The following KATNIP variants were observed in gnomAD, a reference collection of about 807,000 sequenced individuals.
KATNIP encodes katanin interacting protein.
KATNIP carries 126 observed loss-of-function variants against 174.0 expected under a neutral mutation model. That is an observed-to-expected ratio of 0.72 (90% CI 0.63 to 0.84). The LOEUF is 0.84. Among genes scored for constraint, KATNIP ranks in the 40% least tolerant of loss-of-function variants. The probability of loss-of-function intolerance (pLI) is 0.00; values close to 1 mark genes in which losing one functional copy is unlikely to be tolerated. For missense variants in KATNIP, 1,958 were observed against 2,109.7 expected, an observed-to-expected ratio of 0.93 and a Z score of 1.41; for synonymous variants, 810 against 835.7, an observed-to-expected ratio of 0.97 and a Z score of 0.53.
Position 27,777,504 on chromosome 16 carries a change from G to A in KATNIP, c.4552-106G>A, listed in dbSNP as rs139800970. Reference sequence around the variant, plus strand: ...GTAGGCGCTTGTTCCTGACAGCCCCGTCTTCCCGAGGAGAAAGCCTTGGCT... The same window carrying A: ...GTAGGCGCTTGTTCCTGACAGCCCCATCTTCCCGAGGAGAAAGCCTTGGCT... On this transcript the variant is annotated intron_variant, in intron 25 of 27. Transcript: ENST00000261588. This position sits in a 1 kb window ranked among gnomAD's most constrained non-coding sequence, Gnocchi z 4.4. The A allele has an allele frequency of 5.4e-5, 59 of 1,100,764 alleles. No individual in the cohort carries two copies. The African/African-American group carries it at 6.9e-4, about 13-fold the overall frequency. The allele number at this position is 1,100,764 out of a possible 1,614,324, so 68.2% of individuals were successfully genotyped here. A position where few individuals can be genotyped will look rare whatever the true frequency, so the allele number is the denominator to read the frequency against.
chr16:27,762,084 C>T (rs1211867055), intron 19 of KATNIP, among the ~76,000 whole-genome samples: 1 of 152,096 alleles, frequency 6.6e-6, no homozygotes, highest in Non-Finnish European at 1.5e-5. Context: ...GCCAAGGTTG[C>T]GTCAAGTCAG....
Position 27,648,746 on chromosome 16 carries a change from C to T in KATNIP, c.540+11C>T, listed in dbSNP as rs1597055298. Reference sequence around the variant, plus strand: ...GAGGATCGTCCGCAGGTAGGGATGGCCTTGGCCTTGTGCTCGGGACACCTG... The same window carrying T: ...GAGGATCGTCCGCAGGTAGGGATGGTCTTGGCCTTGTGCTCGGGACACCTG... On this transcript the variant is annotated intron_variant, in intron 6 of 27. Coordinates refer to ENST00000261588, the MANE Select transcript of KATNIP (RefSeq NM_015202.5). 6.2e-7 allele frequency: 1 copy of T among 1,611,382 alleles called. No individual in the cohort carries two copies. Among genetic ancestry groups the T allele is most frequent in the African/African-American group, 1.3e-5 (1 of 74,870 alleles).
chr16:27,618,549 A>G, intron 3 of KATNIP, 48 bp downstream of exon 3: 3 of 1,356,440 alleles, frequency 2.2e-6, no homozygotes, highest in Non-Finnish European at 3.2e-6. Flanking sequence ...CGAAGTAAAA[A>G]TCTATTTAGA....
intron 2 of KATNIP, among the ~76,000 whole-genome samples, chr16:27,596,328 A>C (rs915168392): frequency 6.6e-6 from 1 of 152,090 alleles, no homozygotes; most frequent in Non-Finnish European, 1.5e-5. Flanking sequence ...GAAAAAAAAC[A>C]AGACCTCTAA....
At chr16:27,561,710 G>A (rs1342864079) in intron 1 of KATNIP, among the ~76,000 whole-genome samples, 1 of 152,244 alleles carries the variant, frequency 6.6e-6, no homozygotes, top group East Asian at 1.9e-4. Flanking sequence ...GTGTATGTGT[G>A]TGTGTGTTTT....
chr16:27,676,235 A>G (rs58980253), intron 6 of KATNIP, among the ~76,000 whole-genome samples: 1 of 152,342 alleles, frequency 6.6e-6, no homozygotes, highest in African/African-American at 2.4e-5. Context: ...TGTCTTACAT[A>G]TTCTGCTTTC....
intron 22 of KATNIP, 28 bp downstream of exon 22, chr16:27,771,680 A>G: frequency 6.2e-7 from 1 of 1,610,558 alleles, no homozygotes; most frequent in Non-Finnish European, 8.5e-7. Context: ...CCCCACCAGC[A>G]CATTCTGGGC....
At chr16:27,743,535 G>A (rs1349863486) in intron 15 of KATNIP, among the ~76,000 whole-genome samples, 1 of 152,130 alleles carries the variant, frequency 6.6e-6, no homozygotes, top group Non-Finnish European at 1.5e-5. Flanking sequence ...AAAGAGTTGA[G>A]GAGCTCTCTG....
chr16:27,711,483 A>G (rs2079570363), intron 13 of KATNIP, among the ~76,000 whole-genome samples: 1 of 152,192 alleles, frequency 6.6e-6, no homozygotes, highest in African/African-American at 2.4e-5. Flanking sequence ...CTTAGTTCAT[A>G]CAGCAACCAT....
At chr16:27,620,567 C>T (rs928447385) in intron 3 of KATNIP, among the ~76,000 whole-genome samples, 7 of 152,274 alleles carry the variant, frequency 4.6e-5, no homozygotes, top group Admixed American at 2.6e-4. Context: ...AAAAACCTGC[C>T]GGATTGCCAG....
At position 27,779,962 on chromosome 16, in the gene KATNIP, A is replaced by G. The variant is rs2082632015; in HGVS notation, c.*1333A>G. 6.6e-6 allele frequency: 1 copy of G among 152,156 alleles called. No individual in the cohort carries two copies. Among genetic ancestry groups the G allele is most frequent in the Non-Finnish European group, 1.5e-5 (1 of 68,030 alleles). 9.4% of individuals were successfully genotyped at this position (152,156 alleles called of 1,614,324 possible). A position where few individuals can be genotyped will look rare whatever the true frequency, so the allele number is the denominator to read the frequency against. On this transcript the variant is annotated 3_prime_UTR_variant, in exon 28 of 28. Transcript: ENST00000261588. ...TGCAAACGCGCTTTTCATTTGGAGCACGGGGCTGATGTGAAGATAAGAATT... is the reference window on the plus strand; with the variant it reads ...TGCAAACGCGCTTTTCATTTGGAGCGCGGGGCTGATGTGAAGATAAGAATT...
rs542911923 is a variant in KATNIP, at chr16:27,625,930, G to A, written c.141-2731G>A. Among the ~76,000 whole-genome samples the A allele has an allele frequency of 3.2e-3, 484 of 151,164 alleles. 2 individuals are homozygous for A. Among genetic ancestry groups the A allele is most frequent in the Non-Finnish European group, 4.7e-3 (316 of 67,836 alleles). On this transcript the variant is annotated intron_variant, in intron 3 of 27. Transcript: ENST00000261588. ...AGTGGCATGATCATGTCTCACTACA[G>A]CCTCAACCTCCCCAGTTCAAGCCAT...
chr16:27,628,772 G>A lies in KATNIP; in HGVS notation c.252G>A (p.Pro84=), dbSNP rs140289087. The change falls in exon 4 of 28, where the codon CCG becomes CCA. Residue 84 remains proline, a synonymous_variant. Coordinates refer to ENST00000261588, the MANE Select transcript of KATNIP (RefSeq NM_015202.5). ...NGANSELKSS[P]RKAIHSDFSR... The stretch of plus-strand genomic sequence containing the variant: ...CCAATTCGGAGCTGAAATCATCACC[G>A]CGGAAAGCTATTCACTCTGACTTCT... 6.8e-5 allele frequency: 109 copies of A among 1,614,158 alleles called. No homozygotes were observed. In the African/African-American group the frequency reaches 8.9e-4, roughly 13 times the overall value.
At chr16:27,751,019 C>T (rs1375938119) in intron 16 of KATNIP, among the ~76,000 whole-genome samples, 1 of 152,090 alleles carries the variant, frequency 6.6e-6, no homozygotes, top group South Asian at 2.1e-4. Context: ...TGAGCCCCTG[C>T]ACCCAGCCAC....
At chr16:27,697,719 G>A (rs2142972769) in intron 8 of KATNIP, among the ~76,000 whole-genome samples, 1 of 152,172 alleles carries the variant, frequency 6.6e-6, no homozygotes, top group East Asian at 1.9e-4. Context: ...GATCGATAGA[G>A]GGTGTGTGTG....
rs1364593915 is a variant in KATNIP, at chr16:27,628,791, G to A, written c.271G>A (p.Asp91Asn). Residue 91 changes from aspartate to asparagine, a missense_variant, in exon 4 of 28, where the codon GAC becomes AAC. By Grantham distance (23) the Asp-to-Asn change is conservative (BLOSUM62 1). Around this residue, in one of 3 missense-constraint regions of KATNIP, gnomAD observed 1,557 missense variants for 1,617.8 expected, o/e 0.96. Transcript: ENST00000261588. ...KSSPRKAIHS[D>N]FSRSASHTEG... ...ATCACCGCGGAAAGCTATTCACTCT[G>A]ACTTCTCCAGAAGTGCCTCCCACAC... The A allele has an allele frequency of 6.2e-7, 1 of 1,614,068 alleles. No homozygotes were observed. Among genetic ancestry groups the A allele is most frequent in the Non-Finnish European group, 8.5e-7 (1 of 1,180,032 alleles).
chr16:27,595,240 A>G (rs2075300470), intron 2 of KATNIP, among the ~76,000 whole-genome samples: 1 of 152,170 alleles, frequency 6.6e-6, no homozygotes, highest in African/African-American at 2.4e-5. Context: ...AGAAAAAGTT[A>G]GCTGGATGTA....
In KATNIP at chr16:27,640,725, T is replaced by C. The variant is rs2076767450; in HGVS notation, c.409-7879T>C. The stretch of plus-strand genomic sequence containing the variant: ...CTTCCTGTGTTTTCAGAACCTTGTA[T>C]GCAGTCGGCGCTCAGTAAAAGCTTG... On this transcript the variant is annotated intron_variant, in intron 5 of 27. Transcript: ENST00000261588. Among the ~76,000 whole-genome samples the C allele has an allele frequency of 2.0e-5, 3 of 150,760 alleles. No individual in the cohort carries two copies. In the South Asian group the frequency reaches 6.3e-4, roughly 32 times the overall value.
chr16:27,671,912 C>T (rs143643833), intron 6 of KATNIP, among the ~76,000 whole-genome samples: 3,329 of 152,038 alleles, frequency 0.022, 136 homozygotes, highest in African/African-American at 0.076. Context: ...AAAAATCAGC[C>T]GGGTGTGGTG....
Sources: gnomAD v4.1 joint callset for allele counts (sites outside exome capture counted in the v4.1 genomes callset) on GRCh38, gnomAD v4.1.1 for gene constraint, gnomAD v4.1.1 regional missense constraint, Gnocchi (gnomAD v3.1) non-coding constraint, MANE v1.5 for transcripts, NCBI Gene and HGNC (gene_info 2026-07-23, HGNC 2026-07-21) for gene names.